The following CDH18 variants were observed in gnomAD, a reference collection of about 807,000 sequenced individuals.
CDH18 encodes cadherin-18.
A neutral mutation model predicts 67.9 loss-of-function variants in CDH18; 31 were observed. The observed-to-expected ratio is 0.46, with a 90% CI of 0.34 to 0.62. The LOEUF (loss-of-function observed/expected upper bound fraction) is 0.62, where lower values mean the gene tolerates loss of function less well. Ranked by LOEUF, CDH18 falls within the 20% of genes least tolerant of loss-of-function variation. CDH18 has a pLI of 0.01. For synonymous variants in CDH18, 362 were observed against 347.2 expected (o/e 1.04, Z -0.48); for missense variants, 890 against 975.5 (o/e 0.91, Z 1.17).
rs936941051 is a variant in CDH18, at chr5:20,317,741, T to G, written c.-579-62236A>C. Among the ~76,000 whole-genome samples the G allele has an allele frequency of 2.6e-5, 4 of 152,254 alleles. No individual in the cohort carries two copies. In the East Asian group the frequency reaches 5.8e-4, roughly 22 times the overall value. On this transcript the variant is annotated intron_variant, in intron 1 of 14. Coordinates refer to the CDH18 transcript ENST00000507958. Reference sequence around the variant, plus strand: ...TTAGTTACTATAAAATATGAGATGATTATGTTGATCATGTGACATGGTCTA... The same window carrying G: ...TTAGTTACTATAAAATATGAGATGAGTATGTTGATCATGTGACATGGTCTA...
At position 20,060,235 on chromosome 5, in the gene CDH18, T is replaced by C. The variant is rs548386248; in HGVS notation, c.-517-68221A>G. Among the ~76,000 whole-genome samples the C allele has an allele frequency of 1.4e-3, 211 of 152,044 alleles. 1 individual carries two copies. The highest frequency in any genetic ancestry group is 3.5e-3 in the Admixed American group (54 of 15,246). On this transcript the variant is annotated intron_variant, in intron 2 of 14. Transcript: ENST00000507958. ...ATCCCAGCACCTTGGGAGGCCGAGG[T>C]GGGCAGATCACCTGAGGTCAGGAGT...
chr5:19,991,049 C>A (rs1057398204), upstream of CDH18, among the ~76,000 whole-genome samples: 5 of 152,142 alleles, frequency 3.3e-5, no homozygotes, highest in African/African-American at 1.2e-4. Context: ...ACATCTAACA[C>A]ACGATTGATG....
chr5:19,608,877 G>T (rs970737768), intron 6 of CDH18, among the ~76,000 whole-genome samples: 1 of 151,834 alleles, frequency 6.6e-6, no homozygotes, highest in Non-Finnish European at 1.5e-5. Flanking sequence ...CATGTGTTAT[G>T]CTTCTTTCTG....
chr5:19,699,346 G>T (rs1399120258), intron 5 of CDH18, among the ~76,000 whole-genome samples: 2 of 152,086 alleles, frequency 1.3e-5, no homozygotes, highest in Non-Finnish European at 2.9e-5. Context: ...ATGTAGTCAG[G>T]ATCCAGGGAG....
chr5:19,806,783 T>G (rs957936779), intron 3 of CDH18, among the ~76,000 whole-genome samples: 4 of 152,216 alleles, frequency 2.6e-5, no homozygotes, highest in African/African-American at 9.6e-5. Flanking sequence ...TCTGAAAACC[T>G]TTCTTCCCTG....
intron 2 of CDH18, among the ~76,000 whole-genome samples, chr5:20,040,826 C>T (rs1740353820): frequency 6.6e-6 from 1 of 152,098 alleles, no homozygotes; most frequent in Non-Finnish European, 1.5e-5. Flanking sequence ...AGACCAGTAT[C>T]CATTGGGAGG....
At position 20,444,916 on chromosome 5, in the gene CDH18, T is replaced by C. The variant is rs548922631; in HGVS notation, c.-580+130546A>G. 1.4e-4 allele frequency among the ~76,000 whole-genome samples: 22 copies of C among 152,256 alleles called. No homozygotes were observed. The South Asian group carries it at 4.6e-3, about 32-fold the overall frequency. ...CATTCCACTTATTCGTTGACAAATA[T>C]GCCAGCTGAAAGCAAGAATTGGTTG... On this transcript the variant is annotated intron_variant, in intron 1 of 14. Transcript: ENST00000507958.
chr5:20,407,403 C>T (rs563896169), intron 1 of CDH18, among the ~76,000 whole-genome samples: 50 of 151,428 alleles, frequency 3.3e-4, no homozygotes, highest in African/African-American at 1.2e-3. Flanking sequence ...GAATCTCCGG[C>T]TGGGTTGGTT....
intron 2 of CDH18, among the ~76,000 whole-genome samples, chr5:19,857,373 T>C (rs1784422269): frequency 6.6e-6 from 1 of 152,138 alleles, no homozygotes; most frequent in Non-Finnish European, 1.5e-5. Context: ...GACGTGACCA[T>C]AGGCTAGTAA....
At chr5:19,480,764 T>C (rs1443490435) in intron 12 of CDH18, among the ~76,000 whole-genome samples, 2 of 151,686 alleles carry the variant, frequency 1.3e-5, no homozygotes, top group African/African-American at 4.8e-5. Context: ...TATTTATTTA[T>C]TTTTGAGACA....
At chr5:19,819,491 A>G (rs1360090739) in intron 3 of CDH18, among the ~76,000 whole-genome samples, 2 of 152,158 alleles carry the variant, frequency 1.3e-5, no homozygotes, top group African/African-American at 4.8e-5. Flanking sequence ...AAAGCTAGGA[A>G]GCCTATATGG....
At chr5:20,382,232 C>T (rs1743967330) in intron 1 of CDH18, among the ~76,000 whole-genome samples, 1 of 152,064 alleles carries the variant, frequency 6.6e-6, no homozygotes, top group Non-Finnish European at 1.5e-5. Context: ...TGAGACAATA[C>T]CTTCTGTAAC....
intron 1 of CDH18, among the ~76,000 whole-genome samples, chr5:20,430,881 G>T (rs1470112974): frequency 6.6e-6 from 1 of 152,000 alleles, no homozygotes; most frequent in Non-Finnish European, 1.5e-5. Flanking sequence ...GTAAAATACG[G>T]CCAAGTCCTC....
intron 1 of CDH18, among the ~76,000 whole-genome samples, chr5:20,526,424 C>T (rs969465564): frequency 6.6e-6 from 1 of 152,126 alleles, no homozygotes. Context: ...CAGACTCCAT[C>T]CATAAGGGGG....
Position 19,971,172 on chromosome 5 carries a change from A to G in CDH18, c.-257+9888T>C, listed in dbSNP as rs552460129. Among the ~76,000 whole-genome samples the G allele has an allele frequency of 2.0e-5, 3 of 152,132 alleles. No individual in the cohort carries two copies. The South Asian group carries it at 6.2e-4, about 32-fold the overall frequency. ...ATGCTAGTCTACCAGACAAAAATAAAGTAAAATTCTGAAAATATTCAGAAT... is the reference window on the plus strand; with the variant it reads ...ATGCTAGTCTACCAGACAAAAATAAGGTAAAATTCTGAAAATATTCAGAAT... On this transcript the variant is annotated intron_variant, in intron 2 of 12. Coordinates refer to ENST00000382275, the MANE Select transcript of CDH18 (RefSeq NM_004934.5).
chr5:20,091,791 T>TA (rs35413264), intron 2 of CDH18, among the ~76,000 whole-genome samples: 45 of 148,128 alleles, frequency 3.0e-4, no homozygotes, highest in South Asian at 8.6e-4. Flanking sequence ...TAGTTTAAAT[T>TA]AAAAAAAAAA....
intron 6 of CDH18, among the ~76,000 whole-genome samples, chr5:19,608,014 A>T (rs1748340613): frequency 1.3e-5 from 2 of 151,660 alleles, no homozygotes; most frequent in Admixed American, 6.6e-5. Context: ...ATCTAAGAAA[A>T]ATTAAACAGA....
At chr5:19,754,785 T>G (rs1338983711) in intron 3 of CDH18, among the ~76,000 whole-genome samples, 1 of 152,118 alleles carries the variant, frequency 6.6e-6, no homozygotes, top group Non-Finnish European at 1.5e-5. Flanking sequence ...TCAATAAATT[T>G]AAGAAAATTG....
At chr5:20,282,779 A>G (rs1746384777) in intron 1 of CDH18, among the ~76,000 whole-genome samples, 1 of 152,066 alleles carries the variant, frequency 6.6e-6, no homozygotes, top group Admixed American at 6.6e-5. Context: ...AGAAATAAAA[A>G]CAATCCTAAA....
Sources: gnomAD v4.1 joint callset for allele counts (sites outside exome capture counted in the v4.1 genomes callset) on GRCh38, gnomAD v4.1.1 for gene constraint, MANE v1.5 for transcripts, NCBI Gene and HGNC (gene_info 2026-07-23, HGNC 2026-07-21) for gene names.